Variants in SLIT3 observed in about 807,000 individuals in gnomAD.
SLIT3 encodes slit homolog 3 protein.
Under a neutral mutation model 184.0 loss-of-function variants are expected in SLIT3, and 68 were observed. The observed-to-expected ratio is 0.37, with a 90% CI of 0.30 to 0.45. The LOEUF is 0.45. Among genes scored for constraint, SLIT3 ranks in the 20% least tolerant of loss-of-function variants. The pLI, the probability that SLIT3 is intolerant of heterozygous loss-of-function variation, is 1.00. For missense variants in SLIT3, 1,707 were observed against 2,026.0 expected, an observed-to-expected ratio of 0.84 and a Z score of 3.02; for synonymous variants, 831 against 828.6, an observed-to-expected ratio of 1.00 and a Z score of -0.05.
chr5:169,070,528 C>A (rs1413559833), intron 4 of SLIT3, among the ~76,000 whole-genome samples: 1 of 152,154 alleles, frequency 6.6e-6, no homozygotes, highest in African/African-American at 2.4e-5. Context: ...AATTACTCTG[C>A]CAGTCGAGAT....
intron 4 of SLIT3, among the ~76,000 whole-genome samples, chr5:169,041,855 G>T (rs1433408040): frequency 6.6e-6 from 1 of 152,172 alleles, no homozygotes; most frequent in East Asian, 1.9e-4. Context: ...CCTATTTCCA[G>T]CAATCAGACG....
intron 6 of SLIT3, among the ~76,000 whole-genome samples, chr5:168,824,518 T>A (rs929112221): frequency 3.9e-5 from 6 of 152,202 alleles, no homozygotes; most frequent in African/African-American, 1.2e-4. Context: ...AGGAAGGCCA[T>A]CTGCAGAGGC....
chr5:168,956,773 C>T (rs1581244185), intron 4 of SLIT3, among the ~76,000 whole-genome samples: 1 of 150,774 alleles, frequency 6.6e-6, no homozygotes, highest in East Asian at 2.0e-4. Flanking sequence ...AGCCTGGTGA[C>T]AGAGTGACAC....
chr5:168,670,596 A>G (rs1438108148), intron 34 of SLIT3, among the ~76,000 whole-genome samples: 1 of 152,204 alleles, frequency 6.6e-6, no homozygotes. Flanking sequence ...TATGCTCAAG[A>G]GCAACACAAG....
chr5:169,201,954 A>T (rs1236105966), intron 3 of SLIT3, among the ~76,000 whole-genome samples: 3 of 152,248 alleles, frequency 2.0e-5, no homozygotes, highest in Non-Finnish European at 4.4e-5. Context: ...TTTGTCAGCC[A>T]GGTGCAGTGT....
At chr5:168,826,405 G>T (rs1011302776) in intron 6 of SLIT3, among the ~76,000 whole-genome samples, 5 of 152,124 alleles carry the variant, frequency 3.3e-5, no homozygotes, top group African/African-American at 9.7e-5. Flanking sequence ...TCCAGTCTTG[G>T]CAGCTTTTGC....
intron 9 of SLIT3, among the ~76,000 whole-genome samples, chr5:168,796,352 T>C (rs1202365133): frequency 2.0e-5 from 3 of 152,208 alleles, no homozygotes; most frequent in Non-Finnish European, 4.4e-5. Flanking sequence ...ATTTCCATTC[T>C]TTATTCTTTC....
intron 4 of SLIT3, among the ~76,000 whole-genome samples, chr5:168,952,757 C>T (rs776172072): frequency 6.6e-6 from 1 of 152,126 alleles, no homozygotes; most frequent in Non-Finnish European, 1.5e-5. Flanking sequence ...AGAGATTAGG[C>T]CTTGTTAAAG....
chr5:169,027,373 C>T (rs1756867987), intron 4 of SLIT3, among the ~76,000 whole-genome samples: 1 of 152,118 alleles, frequency 6.6e-6, no homozygotes, highest in South Asian at 2.1e-4. Flanking sequence ...TTTGAAAAGA[C>T]ACTTCCTCTA....
In SLIT3 at chr5:168,738,937, C is replaced by CAA. The variant is rs34133933; in HGVS notation, c.2270+9363_2270+9364dup. Reference sequence around the variant, plus strand: ...TGGGTGAAAGAGCAAGACTCCATCTCAAAAAAAAAAAAAAAAAAAAGCAGC... The same window carrying CAA: ...TGGGTGAAAGAGCAAGACTCCATCTCAAAAAAAAAAAAAAAAAAAAAAGCAGC... On this transcript the variant is annotated intron_variant, in intron 20 of 35. Coordinates refer to ENST00000519560, the MANE Select transcript of SLIT3 (RefSeq NM_003062.4). Among the ~76,000 whole-genome samples the CAA allele has an allele frequency of 1.6e-3, 135 of 84,242 alleles. 2 individuals carry two copies. The highest frequency in any genetic ancestry group is 3.5e-3 in the African/African-American group (70 of 20,080). 55.3% of individuals were successfully genotyped at this position (84,242 alleles called of 152,430 possible). A position where few individuals can be genotyped will look rare whatever the true frequency, so the allele number is the denominator to read the frequency against.
intron 26 of SLIT3, among the ~76,000 whole-genome samples, chr5:168,702,559 G>C (rs538725868): frequency 6.6e-6 from 1 of 152,228 alleles, no homozygotes; most frequent in South Asian, 2.1e-4. Flanking sequence ...AGTTCTCTCT[G>C]AGCCTTGTTT....
intron 5 of SLIT3, among the ~76,000 whole-genome samples, chr5:168,871,852 A>T (rs960470962): frequency 3.9e-5 from 6 of 152,224 alleles, no homozygotes; most frequent in Non-Finnish European, 7.3e-5. Context: ...AATTTGCTTA[A>T]GGTCATAAAG....
At chr5:169,044,587 T>TGGGGGGGGGGGGGGAGGAGGGG (rs57256659) in intron 4 of SLIT3, among the ~76,000 whole-genome samples, 1 of 70,636 alleles carries the variant, frequency 1.4e-5, no homozygotes, top group Non-Finnish European at 3.6e-5. Context: ...TGGAGGAAGG[T>TGGGGGGGGGGGGGGAGGAGGGG]GGGGGGGGGG....
intron 20 of SLIT3, among the ~76,000 whole-genome samples, chr5:168,738,428 C>T (rs533682671): frequency 3.3e-5 from 5 of 152,132 alleles, no homozygotes; most frequent in African/African-American, 1.2e-4. Context: ...TTTAATGTCC[C>T]GTATGACAAA....
At chr5:168,827,136 T>C (rs570681453) in intron 6 of SLIT3, among the ~76,000 whole-genome samples, 1 of 152,318 alleles carries the variant, frequency 6.6e-6, no homozygotes, top group Non-Finnish European at 1.5e-5. Context: ...ATTTCATGAT[T>C]GAAGCATGTG....
At chr5:168,875,803 AG>A (rs1759711771) in intron 5 of SLIT3, among the ~76,000 whole-genome samples, 1 of 151,706 alleles carries the variant, frequency 6.6e-6, no homozygotes, top group Non-Finnish European at 1.5e-5. Flanking sequence ...GGGAAAGAGA[AG>A]GGTGGAGGGA....
chr5:168,724,375 C>T (rs1211103765), intron 21 of SLIT3, 41 bp downstream of exon 21: 3 of 1,554,960 alleles, frequency 1.9e-6, no homozygotes, highest in Admixed American at 1.7e-5. Context: ...GCGACCCCAG[C>T]AGGGAAAAAT....
Position 168,730,658 on chromosome 5 carries a change from T to A in SLIT3, c.2271-6174A>T, listed in dbSNP as rs574731074. Among the ~76,000 whole-genome samples the A allele has an allele frequency of 1.3e-4, 20 of 150,256 alleles. No homozygotes were observed. The East Asian group carries it at 3.3e-3, about 25-fold the overall frequency. ...TCAACAAAGAAATTAAAATTAAAAT[T>A]AAAAAAAAATCCAAATGAATGAAAA... On this transcript the variant is annotated intron_variant, in intron 20 of 35. Coordinates refer to ENST00000519560, the MANE Select transcript of SLIT3 (RefSeq NM_003062.4).
At chr5:169,046,421 T>A (rs1757625095) in intron 4 of SLIT3, among the ~76,000 whole-genome samples, 1 of 152,180 alleles carries the variant, frequency 6.6e-6, no homozygotes, top group South Asian at 2.1e-4. Context: ...TGACATTGCT[T>A]TAAAAGCAAG....
Sources: gnomAD v4.1 joint callset for allele counts (sites outside exome capture counted in the v4.1 genomes callset) on GRCh38, gnomAD v4.1.1 for gene constraint, MANE v1.5 for transcripts, NCBI Gene and HGNC (gene_info 2026-07-23, HGNC 2026-07-21) for gene names.